The following HBS1L variants were observed in gnomAD, a reference collection of about 807,000 sequenced individuals.
HBS1L encodes HBS1-like protein.
Under a neutral mutation model 88.9 loss-of-function variants are expected in HBS1L, and 55 were observed. That is an observed-to-expected ratio of 0.62 (90% CI 0.50 to 0.77). The LOEUF is 0.77. Among genes scored for constraint, HBS1L ranks in the 30% least tolerant of loss-of-function variants. The pLI is 0.00. For missense variants in HBS1L, 741 were observed against 829.3 expected (o/e 0.89, Z 1.31); for synonymous variants, 267 against 288.5 (o/e 0.93, Z 0.76).
intron 7 of HBS1L, among the ~76,000 whole-genome samples, chr6:134,995,611 G>C (rs1189526473): frequency 6.6e-6 from 1 of 151,424 alleles, no homozygotes; most frequent in African/African-American, 2.4e-5. Context: ...AAATTATACT[G>C]TTCTCAATGT....
At chr6:135,040,373 CAG>C (rs1776696261) in intron 3 of HBS1L, among the ~76,000 whole-genome samples, 1 of 92,536 alleles carries the variant, frequency 1.1e-5, no homozygotes, top group African/African-American at 4.4e-5. Flanking sequence ...TTTTTTGAGA[CAG>C]AGTCTCACTC....
chr6:135,014,507 T>A (rs143848076), intron 4 of HBS1L, among the ~76,000 whole-genome samples: 1 of 152,312 alleles, frequency 6.6e-6, no homozygotes, highest in Admixed American at 6.5e-5. Context: ...AAGATAAGTT[T>A]CTAGGAGACC....
intron 6 of HBS1L, 121 bp downstream of exon 6, chr6:134,997,276 G>A: frequency 1.7e-6 from 2 of 1,158,296 alleles, no homozygotes; most frequent in East Asian, 2.4e-5. Context: ...TTATGAGACT[G>A]TGCCTCCTTG....
intron 4 of HBS1L, among the ~76,000 whole-genome samples, chr6:135,004,205 C>T (rs1030796706): frequency 1.3e-5 from 2 of 149,492 alleles, no homozygotes; most frequent in African/African-American, 4.9e-5. Flanking sequence ...GAAGAACAGA[C>T]GTAACACTTG....
At chr6:134,968,771 A>C (rs979852438) in intron 16 of HBS1L, among the ~76,000 whole-genome samples, 1 of 150,912 alleles carries the variant, frequency 6.6e-6, no homozygotes. Context: ...AAAAAAACAA[A>C]CTTTCCAGAT....
Position 134,997,457 on chromosome 6 carries a change from C to A in HBS1L, c.739G>T (p.Val247Leu), listed in dbSNP as rs1413369952. 6.2e-7 allele frequency: 1 copy of A among 1,614,078 alleles called. No individual in the cohort carries two copies. Among genetic ancestry groups the A allele is most frequent in the Non-Finnish European group, 8.5e-7 (1 of 1,179,980 alleles). Reference sequence around the variant, plus strand: ...TGCCGCTTCTCCAGTTCCGCCTTCACATCTATTTGCTGCCTCAGCTTGCCA... The same window carrying A: ...TGCCGCTTCTCCAGTTCCGCCTTCAAATCTATTTGCTGCCTCAGCTTGCCA... ...KSGKLRQQID[V>L]KAELEKRQGG... The change falls in exon 6 of 18, where the codon GTG becomes TTG. Residue 247 changes from valine (V) to leucine (L), a missense_variant. Around this residue, in one of 3 missense-constraint regions of HBS1L, gnomAD observed 556 missense variants for 598.4 expected, o/e 0.93. Coordinates refer to ENST00000367837, the MANE Select transcript of HBS1L (RefSeq NM_006620.4).
chr6:134,997,251 C>A (rs894604027), intron 6 of HBS1L, 146 bp downstream of exon 6: 7 of 901,380 alleles, frequency 7.8e-6, no homozygotes, highest in Non-Finnish European at 1.2e-5. Context: ...TCTCTCCCCA[C>A]ATGACTAGAA....
At chr6:135,014,649 T>C (rs1441415111) in intron 4 of HBS1L, among the ~76,000 whole-genome samples, 1 of 152,078 alleles carries the variant, frequency 6.6e-6, no homozygotes. Flanking sequence ...CATAGGAACC[T>C]CAATGACTGC....
At chr6:134,996,564 A>G (rs1393939025) in intron 7 of HBS1L, among the ~76,000 whole-genome samples, 1 of 152,152 alleles carries the variant, frequency 6.6e-6, no homozygotes, top group African/African-American at 2.4e-5. Context: ...TCTTTTAAAC[A>G]TTCTTTTAAT....
Position 135,054,727 on chromosome 6 carries a change from T to C in HBS1L, c.-36A>G. 1 of 1,613,454 alleles carries C rather than the reference T, an allele frequency of 6.2e-7. No homozygotes were observed. The highest frequency in any genetic ancestry group is 1.1e-5 in the South Asian group (1 of 90,986). On this transcript the variant is annotated 5_prime_UTR_variant, in exon 1 of 18. Coordinates refer to ENST00000367837, the MANE Select transcript of HBS1L (RefSeq NM_006620.4). The stretch of plus-strand genomic sequence containing the variant: ...AGGGCGTTTGCCACAGCCCCTTAAC[T>C]CCTTCCAAAACACTCCGCTTAGATA...
At chr6:134,988,459 TAAAA>T (rs1562282287) in intron 8 of HBS1L, among the ~76,000 whole-genome samples, 41 of 147,006 alleles carry the variant, frequency 2.8e-4, no homozygotes, top group African/African-American at 9.8e-4. Context: ...AAAAAAAACA[TAAAA>T]AACCCCAAAA....
At position 134,969,222 on chromosome 6, in the gene HBS1L, G is replaced by A. The variant is rs1231072441; in HGVS notation, c.1898+16C>T. On this transcript the variant is annotated intron_variant, in intron 16 of 17. Coordinates refer to ENST00000367837, the MANE Select transcript of HBS1L (RefSeq NM_006620.4). ...CTTAAATTGCTTGTTTATCATTTCT[G>A]TATTAAAACACTCACTTAGGCTTTT... The A allele has an allele frequency of 2.6e-6, 4 of 1,517,478 alleles. No homozygotes were observed. The East Asian group carries it at 6.8e-5, about 26-fold the overall frequency. The allele number at this position is 1,517,478 out of a possible 1,614,324, so 94.0% of individuals were successfully genotyped here.
intron 5 of HBS1L, among the ~76,000 whole-genome samples, chr6:134,997,988 T>G (rs1187073463): frequency 6.6e-6 from 1 of 152,200 alleles, no homozygotes; most frequent in African/African-American, 2.4e-5. Context: ...AAGGAGATAT[T>G]TTGTAAAATT....
rs1255365532 is a variant in HBS1L at position 134,974,213 on chromosome 6, G to T, written c.1797+4466C>A. Among the ~76,000 whole-genome samples, 5 of 151,878 alleles carry T rather than the reference G, an allele frequency of 3.3e-5. No homozygotes were observed. In the East Asian group the frequency reaches 9.7e-4, roughly 29 times the overall value. On this transcript the variant is annotated intron_variant, in intron 15 of 17. Coordinates refer to ENST00000367837, the MANE Select transcript of HBS1L (RefSeq NM_006620.4). Reference sequence around the variant, plus strand: ...CCAAGCTTGAATCAGGAAGAAATAAGAAATCCTAAACAGACACATATCAAG... The same window carrying T: ...CCAAGCTTGAATCAGGAAGAAATAATAAATCCTAAACAGACACATATCAAG...
intron 8 of HBS1L, 42 bp downstream of exon 8, chr6:134,993,716 A>G (rs1457839644): frequency 4.8e-6 from 4 of 835,300 alleles, no homozygotes; most frequent in African/African-American, 3.5e-5. Context: ...AATTTTATGT[A>G]AAGTACAATC....
chr6:134,967,774 T>C (rs1282950398), intron 16 of HBS1L, among the ~76,000 whole-genome samples: 1 of 152,234 alleles, frequency 6.6e-6, no homozygotes, highest in Admixed American at 6.5e-5. Flanking sequence ...ATCCTGCCTC[T>C]ACCACTTGAG....
chr6:134,965,258 C>A lies in HBS1L; in HGVS notation c.*21G>T. ...TTAGCTATTTCACTGTATCCAGAAA[C>A]GTGGTAGAAATTCTGACCCATCATT... On this transcript the variant is annotated 3_prime_UTR_variant, in exon 18 of 18. Transcript: ENST00000367837. 6.4e-7 allele frequency: 1 copy of A among 1,564,502 alleles called. No individual in the cohort carries two copies. Among genetic ancestry groups the A allele is most frequent in the Non-Finnish European group, 8.8e-7 (1 of 1,139,148 alleles).
chr6:134,987,493 C>T, intron 9 of HBS1L, 152 bp downstream of exon 9: 2 of 487,480 alleles, frequency 4.1e-6, no homozygotes, highest in Non-Finnish European at 6.9e-6. Context: ...TTACTAACAC[C>T]TCATTTATTT....
chr6:134,976,176 C>T (rs767536277), intron 15 of HBS1L, among the ~76,000 whole-genome samples: 3 of 152,076 alleles, frequency 2.0e-5, no homozygotes, highest in South Asian at 2.1e-4. Context: ...CATTAATCAT[C>T]GAGGAAGTAC....
Sources: gnomAD v4.1 joint callset for allele counts (sites outside exome capture counted in the v4.1 genomes callset) on GRCh38, gnomAD v4.1.1 for gene constraint, gnomAD v4.1.1 regional missense constraint, MANE v1.5 for transcripts, NCBI Gene and HGNC (gene_info 2026-07-23, HGNC 2026-07-21) for gene names.